Variants in UBASH3A observed in about 807,000 individuals in gnomAD.
UBASH3A encodes ubiquitin associated and SH3 domain containing A, also known as ubiquitin-associated and SH3 domain-containing protein A.
In UBASH3A, 63 loss-of-function variants were observed where a neutral mutation model predicts 73.5. The ratio of observed to expected loss-of-function variants is 0.86; its 90% CI spans 0.70 to 1.06. The LOEUF is 1.06. Ranked by LOEUF, UBASH3A falls within the 50% of genes least tolerant of loss-of-function variation. UBASH3A has a pLI of 0.00. For synonymous variants in UBASH3A, 363 were observed against 351.1 expected (o/e 1.03, Z -0.38); for missense variants, 860 against 859.0 (o/e 1.00, Z -0.02).
chr21:42,413,378 C>T lies in UBASH3A; in HGVS notation c.554-32C>T, dbSNP rs1317704718. The T allele has an allele frequency of 1.5e-5, 24 of 1,584,210 alleles. No individual in the cohort carries two copies. The highest frequency in any genetic ancestry group is 2.3e-5 in the South Asian group (2 of 88,856). On this transcript the variant is annotated intron_variant, in intron 4 of 14. Transcript: ENST00000319294. This position sits in a 1 kb window ranked among gnomAD's most constrained non-coding sequence, Gnocchi z 4.5. ...TGGGATGGCTGGGTGGGCTTTCTTC[C>T]GGGCTCAGTGGCTGCACCTGTCCTC...
rs747557703 is a variant in UBASH3A, at chr21:42,416,406, T to C, written c.668-36T>C. ...GAGGAAGGAGACATTTAGGTAACGG[T>C]GTCCTGGCACCCTCTGTGTTTCCCT... On this transcript the variant is annotated intron_variant, in intron 5 of 14. Coordinates refer to ENST00000319294, the MANE Select transcript of UBASH3A (RefSeq NM_018961.4). 2.6e-6 allele frequency: 4 copies of C among 1,515,248 alleles called. No individual in the cohort carries two copies. In the Admixed American group the frequency reaches 6.5e-5, roughly 25 times the overall value. 93.9% of individuals were successfully genotyped at this position (1,515,248 alleles called of 1,614,324 possible). A position where few individuals can be genotyped will look rare whatever the true frequency, so the allele number is the denominator to read the frequency against.
At chr21:42,407,236 C>T (rs145653674) in intron 2 of UBASH3A, among the ~76,000 whole-genome samples, 2 of 152,194 alleles carry the variant, frequency 1.3e-5, no homozygotes, top group African/African-American at 4.8e-5. Flanking sequence ...GAGATAGCCA[C>T]GGGGAAAATC....
At position 42,433,013 on chromosome 21, in the gene UBASH3A, G is replaced by C. The variant is rs548697290; in HGVS notation, c.1270+811G>C. Reference sequence around the variant, plus strand: ...TTTTTTTAGCTATTGAATTACTGAAGCTATAGATTGAACTGACACACCTTG... The same window carrying C: ...TTTTTTTAGCTATTGAATTACTGAACCTATAGATTGAACTGACACACCTTG... On this transcript the variant is annotated intron_variant, in intron 9 of 14. Coordinates refer to ENST00000319294, the MANE Select transcript of UBASH3A (RefSeq NM_018961.4). Among the ~76,000 whole-genome samples, 3 of 152,294 alleles carry C rather than the reference G, an allele frequency of 2.0e-5. No homozygotes were observed. In the East Asian group the frequency reaches 5.8e-4, roughly 29 times the overall value.
chr21:42,404,680 T>C (rs1056492566), intron 1 of UBASH3A, among the ~76,000 whole-genome samples: 1 of 152,100 alleles, frequency 6.6e-6, no homozygotes, highest in Non-Finnish European at 1.5e-5. Context: ...GCCCGCTGAG[T>C]CTCTAACACT....
Position 42,418,397 on chromosome 21 carries a change from C to T in UBASH3A, c.838-4C>T, listed in dbSNP as rs777863815. 3 of 1,610,020 alleles carry T rather than the reference C, an allele frequency of 1.9e-6. No homozygotes were observed. The highest frequency in any genetic ancestry group is 1.1e-5 in the South Asian group (1 of 91,028). On this transcript the variant is annotated splice_region_variant and splice_polypyrimidine_tract_variant and intron_variant, in intron 6 of 14. Transcript: ENST00000319294. Reference sequence around the variant, plus strand: ...GACGTGAAACCCCTTTGCCTCTTTTCTAGACCCTGAGAGCCCTATTCCAGT... The same window carrying T: ...GACGTGAAACCCCTTTGCCTCTTTTTTAGACCCTGAGAGCCCTATTCCAGT...
At chr21:42,425,330 C>G (rs1048093694) in intron 7 of UBASH3A, among the ~76,000 whole-genome samples, 3 of 152,228 alleles carry the variant, frequency 2.0e-5, no homozygotes, top group African/African-American at 7.2e-5. Flanking sequence ...CCGTTTCTCT[C>G]TGTAAACCTC....
intron 6 of UBASH3A, chr21:42,417,682 C>T (rs1266014587): frequency 6.6e-6 from 1 of 151,870 alleles, no homozygotes; most frequent in Non-Finnish European, 1.5e-5. Context: ...GTGTGTGATG[C>T]TCCTTTCAGA....
At chr21:42,445,707 A>G (rs996812217) in intron 14 of UBASH3A, among the ~76,000 whole-genome samples, 4 of 152,140 alleles carry the variant, frequency 2.6e-5, no homozygotes, top group Admixed American at 2.6e-4. Context: ...TTCTTGCTCC[A>G]TTTTCCTCTG....
In UBASH3A at chr21:42,409,426, C is replaced by T; in HGVS notation, c.172C>T (p.His58Tyr). 6.3e-7 allele frequency: 1 copy of T among 1,582,754 alleles called. No individual in the cohort carries two copies. The highest frequency in any genetic ancestry group is 8.6e-7 in the Non-Finnish European group (1 of 1,166,032). Residue 58 changes from histidine to tyrosine, a missense_variant, in exon 3 of 15, where the codon CAT (histidine) becomes TAT (tyrosine). His to Tyr is a moderately conservative substitution (Grantham distance 83). Coordinates refer to ENST00000319294, the MANE Select transcript of UBASH3A (RefSeq NM_018961.4). ...CCGGCTTGCTCTCTGTTGCAGGCTG[C>T]ATGATCATTGCAATGACCCTTCCCT... ...KTAEEALAWLHDHCNDPSLDD... is the reference protein window; with the variant it reads ...KTAEEALAWLYDHCNDPSLDD...
chr21:42,412,119 A>G (rs955938378), intron 3 of UBASH3A, among the ~76,000 whole-genome samples: 2 of 152,184 alleles, frequency 1.3e-5, no homozygotes, highest in Non-Finnish European at 2.9e-5. Context: ...GATGTGGCCA[A>G]TGGCACTGGG....
At chr21:42,443,053 G>T (rs539304310) in intron 12 of UBASH3A, 1 of 1,174,146 alleles carries the variant, frequency 8.5e-7, no homozygotes, top group African/African-American at 1.6e-5. Flanking sequence ...CAAGGAGAGA[G>T]TCTTTGTCAT....
At chr21:42,416,901 C>A (rs569373404) in intron 6 of UBASH3A, among the ~76,000 whole-genome samples, 147 of 152,110 alleles carry the variant, frequency 9.7e-4, no homozygotes, top group Non-Finnish European at 1.9e-3. Context: ...TCACTGCACT[C>A]CAGCCTGGGC....
At position 42,413,186 on chromosome 21, in the gene UBASH3A, G is replaced by A. The variant is rs151066227; in HGVS notation, c.517G>A (p.Ala173Thr). ...GSPADVIREF[A>T]MTFATEASLL... ...CCCCGCAGACGTCATCCGGGAATTC[G>A]CCATGACCTTCGCCACGGAAGCATC... The change falls in exon 4 of 15, where the codon GCC (alanine) becomes ACC (threonine). Residue 173 changes from alanine to threonine, a missense_variant. Coordinates refer to ENST00000319294, the MANE Select transcript of UBASH3A (RefSeq NM_018961.4). This position sits in a 1 kb window ranked among gnomAD's most constrained non-coding sequence, Gnocchi z 4.5. 119 of 1,614,190 alleles carry A rather than the reference G, an allele frequency of 7.4e-5. No homozygotes were observed. The highest frequency in any genetic ancestry group is 6.6e-4 in the South Asian group (60 of 91,086).
intron 3 of UBASH3A, among the ~76,000 whole-genome samples, chr21:42,409,921 T>C (rs551779922): frequency 1.3e-5 from 2 of 152,276 alleles, no homozygotes; most frequent in East Asian, 1.9e-4. Flanking sequence ...ATACGGGCCA[T>C]GTGTCTGGTG....
chr21:42,420,787 T>A (rs1339632494), intron 7 of UBASH3A, among the ~76,000 whole-genome samples: 1 of 152,186 alleles, frequency 6.6e-6, no homozygotes, highest in Non-Finnish European at 1.5e-5. Flanking sequence ...AAAAATGCCT[T>A]CCAACTGCAT....
chr21:42,447,455 C>T lies in UBASH3A; in HGVS notation c.*261C>T, dbSNP rs1050658057. On this transcript the variant is annotated 3_prime_UTR_variant, in exon 15 of 15. Coordinates refer to ENST00000319294, the MANE Select transcript of UBASH3A (RefSeq NM_018961.4). ...TGAGGATGCCGCCCTGCAGCATGTA[C>T]ACCGAGTGTCTGCAGCTGGGGACAC... is the stretch of plus-strand genomic sequence containing the variant. 8.0e-6 allele frequency: 3 copies of T among 373,808 alleles called. No individual in the cohort carries two copies. The highest frequency in any genetic ancestry group is 2.1e-5 in the African/African-American group (1 of 47,812). 23.2% of individuals were successfully genotyped at this position (373,808 alleles called of 1,614,324 possible).
chr21:42,434,049 G>A (rs1411178633), intron 9 of UBASH3A, among the ~76,000 whole-genome samples: 1 of 152,178 alleles, frequency 6.6e-6, no homozygotes, highest in Non-Finnish European at 1.5e-5. Flanking sequence ...GTGGTGTCCT[G>A]TGTGAGGATA....
At chr21:42,408,883 A>AAAAATAAAATAAAAT (rs537094372) in intron 2 of UBASH3A, among the ~76,000 whole-genome samples, 3,056 of 115,232 alleles carry the variant, frequency 0.027, 67 homozygotes, top group Middle Eastern at 0.058. Flanking sequence ...ACTCCATCTC[A>AAAAATAAAATAAAAT]AAAATAAAAT....
intron 3 of UBASH3A, among the ~76,000 whole-genome samples, chr21:42,412,613 G>T (rs1290917353): frequency 1.3e-5 from 2 of 152,294 alleles, no homozygotes; most frequent in East Asian, 3.9e-4. Context: ...CTCACTACAG[G>T]CTCTGAGCAG....
Sources: allele counts gnomAD v4.1 joint callset (sites outside exome capture counted in the v4.1 genomes callset), GRCh38; gene constraint gnomAD v4.1.1; non-coding constraint Gnocchi (gnomAD v3.1); transcripts MANE v1.5; gene names NCBI Gene and HGNC (gene_info 2026-07-23, HGNC 2026-07-21).